The following ZNF79 variants were observed in gnomAD, a reference collection of about 807,000 sequenced individuals.
ZNF79 encodes the protein ZNFpT7.
ZNF79 carries 13 observed loss-of-function variants against 14.9 expected under a neutral mutation model. The ratio of observed to expected loss-of-function variants is 0.87; its 90% CI spans 0.57 to 1.38. The LOEUF is 1.38. ZNF79 is among the 40% of genes most tolerant of loss of function. The pLI, the probability that ZNF79 is intolerant of heterozygous loss-of-function variation, is 0.00. For missense variants in ZNF79, 631 were observed against 630.6 expected (o/e 1.00, Z -0.01); for synonymous variants, 223 against 235.1 (o/e 0.95, Z 0.47).
rs759622791 is a variant in ZNF79 at position 127,445,217 on chromosome 9, GGA to G, written c.*26_*27del. 1.1e-5 allele frequency: 17 copies of G among 1,610,220 alleles called. No homozygotes were observed. Among genetic ancestry groups the G allele is most frequent in the African/African-American group, 4.0e-5 (3 of 74,878 alleles). On this transcript the variant is annotated 3_prime_UTR_variant, in exon 5 of 5. Coordinates refer to ENST00000342483, the MANE Select transcript of ZNF79 (RefSeq NM_007135.3). Reference sequence around the variant, plus strand: ...GAGTAACTAGGAACATGGTAGAAGTGGAGAGAGTCCCGGACATGCCGACTCAG... The same window carrying G: ...GAGTAACTAGGAACATGGTAGAAGTGGAGAGTCCCGGACATGCCGACTCAG...
chr9:127,440,757 T>C (rs1834034912), intron 4 of ZNF79, among the ~76,000 whole-genome samples: 1 of 152,056 alleles, frequency 6.6e-6, no homozygotes, highest in Non-Finnish European at 1.5e-5. Flanking sequence ...TGGTGGCCTG[T>C]AAGAGAGGGG....
Position 127,445,078 on chromosome 9 carries a change from C to T in ZNF79, c.1378C>T (p.Leu460Phe). The change falls in exon 5 of 5, where the codon CTT (leucine) becomes TTT (phenylalanine). Residue 460 changes from leucine to phenylalanine, a missense_variant. Leu to Phe is a conservative substitution (Grantham distance 22, BLOSUM62 0). Transcript: ENST00000342483. Reference protein sequence around the residue: ...CGKAFNQSSSLSQHQRIHTGV... With the variant: ...CGKAFNQSSSFSQHQRIHTGV... ...TAAAGCGTTTAACCAGAGCTCATCC[C>T]TTAGTCAGCATCAGAGAATCCACAC... 2 of 1,613,922 alleles carry T rather than the reference C, an allele frequency of 1.2e-6. No homozygotes were observed. Among genetic ancestry groups the T allele is most frequent in the Non-Finnish European group, 1.7e-6 (2 of 1,179,982 alleles).
In ZNF79 at chr9:127,444,320, C is replaced by T. The variant is rs777126656; in HGVS notation, c.620C>T (p.Ser207Phe). 6.2e-7 allele frequency: 1 copy of T among 1,614,178 alleles called. No individual in the cohort carries two copies. The highest frequency in any genetic ancestry group is 1.1e-5 in the South Asian group (1 of 91,084). Residue 207 changes from serine (S) to phenylalanine (F), a missense_variant, in exon 5 of 5, where the codon TCC becomes TTC. Coordinates refer to ENST00000342483, the MANE Select transcript of ZNF79 (RefSeq NM_007135.3). ...ECGKAFSYCSSLSQHQKSHTG... is the reference protein window; with the variant it reads ...ECGKAFSYCSFLSQHQKSHTG... ...GGCAAAGCCTTCAGTTACTGTTCTTCCCTTTCTCAGCATCAGAAGAGCCAC... is the reference window on the plus strand; with the variant it reads ...GGCAAAGCCTTCAGTTACTGTTCTTTCCTTTCTCAGCATCAGAAGAGCCAC...
intron 2 of ZNF79, among the ~76,000 whole-genome samples, chr9:127,430,854 T>C (rs1279325082): frequency 1.3e-5 from 2 of 152,258 alleles, no homozygotes; most frequent in South Asian, 2.1e-4. Context: ...ATCTCCAAAC[T>C]GTTTTTCCGG....
chr9:127,424,802 A>G lies in ZNF79; in HGVS notation c.15A>G (p.Gly5=). The G allele has an allele frequency of 6.2e-7, 1 of 1,613,708 alleles. No homozygotes were observed. Among genetic ancestry groups the G allele is most frequent in the Non-Finnish European group, 8.5e-7 (1 of 1,179,916 alleles). Residue 5 remains glycine (G), a splice_region_variant and synonymous_variant, in exon 1 of 5, where the codon GGA becomes GGG. Coordinates refer to ENST00000342483, the MANE Select transcript of ZNF79 (RefSeq NM_007135.3). ...GCGGGACTCAAATGCTGGAGGAAGG[A>G]GGTGAGGAGTGGTAGAGGGAGCGAT... The part of the protein sequence containing the change: MLEE[G]VLPSPGPALP...
rs368448812 is a variant in ZNF79, at chr9:127,435,896, C to G, written c.233-12C>G. On this transcript the variant is annotated splice_polypyrimidine_tract_variant and intron_variant, in intron 3 of 4. Coordinates refer to ENST00000342483, the MANE Select transcript of ZNF79 (RefSeq NM_007135.3). ...TTACAATTTCTAAAGCCTGTTTTTTCCCGTTGAATAGGACTTCCAGTTTCC... is the reference window on the plus strand; with the variant it reads ...TTACAATTTCTAAAGCCTGTTTTTTGCCGTTGAATAGGACTTCCAGTTTCC... 62 of 1,612,186 alleles carry G rather than the reference C, an allele frequency of 3.8e-5. No individual in the cohort carries two copies. The highest frequency in any genetic ancestry group is 5.2e-5 in the Non-Finnish European group (61 of 1,178,764).
chr9:127,431,849 A>G (rs2131947730), intron 2 of ZNF79, among the ~76,000 whole-genome samples: 1 of 152,100 alleles, frequency 6.6e-6, no homozygotes, highest in South Asian at 2.1e-4. Flanking sequence ...TCTTTTTCCC[A>G]TTGCTTGTTT....
chr9:127,439,779 T>C (rs1158366217), intron 4 of ZNF79, among the ~76,000 whole-genome samples: 2 of 152,272 alleles, frequency 1.3e-5, no homozygotes, highest in Admixed American at 1.3e-4. Flanking sequence ...ATGGGTAATA[T>C]GTATTCCCTT....
intron 4 of ZNF79, among the ~76,000 whole-genome samples, chr9:127,437,719 T>C (rs1228450899): frequency 1.3e-5 from 2 of 151,950 alleles, no homozygotes; most frequent in East Asian, 3.9e-4. Context: ...CGGCATTTGT[T>C]GGCTTTTAGC....
chr9:127,437,338 GC>G lies in ZNF79; in HGVS notation c.328+1344del, dbSNP rs11423510. Among the ~76,000 whole-genome samples the G allele has an allele frequency of 1.9e-3, 284 of 149,142 alleles. 2 individuals are homozygous for G. Among genetic ancestry groups the G allele is most frequent in the African/African-American group, 4.3e-3 (174 of 40,542 alleles). Reference sequence around the variant, plus strand: ...GGCCCTGCTGCTTCCTTCTCTCAAGGCCCCCCCCCGCTGCCTGGGCATCTCT... The same window carrying G: ...GGCCCTGCTGCTTCCTTCTCTCAAGGCCCCCCCCGCTGCCTGGGCATCTCT... On this transcript the variant is annotated intron_variant, in intron 4 of 4. Transcript: ENST00000342483.
At chr9:127,438,996 C>T (rs1833998629) in intron 4 of ZNF79, among the ~76,000 whole-genome samples, 1 of 151,960 alleles carries the variant, frequency 6.6e-6, no homozygotes, top group Non-Finnish European at 1.5e-5. Context: ...TCTATAGTCC[C>T]AGCTACTAGG....
chr9:127,436,079 T>G, intron 4 of ZNF79, 76 bp downstream of exon 4: 1 of 1,237,888 alleles, frequency 8.1e-7, no homozygotes, highest in Admixed American at 1.7e-5. Context: ...GTGTATTTGA[T>G]TATCATAACA....
At chr9:127,432,459 T>C (rs924579528) in intron 2 of ZNF79, among the ~76,000 whole-genome samples, 2 of 152,226 alleles carry the variant, frequency 1.3e-5, no homozygotes. Flanking sequence ...CTAAAATTCA[T>C]TTTTTAACTT....
At chr9:127,443,804 G>A (rs577588715) in intron 4 of ZNF79, among the ~76,000 whole-genome samples, 1 of 151,944 alleles carries the variant, frequency 6.6e-6, no homozygotes, top group South Asian at 2.1e-4. Context: ...GGGAGGCTGA[G>A]GCAGGAGAAT....
intron 2 of ZNF79, among the ~76,000 whole-genome samples, chr9:127,429,939 C>T (rs1190434524): frequency 6.6e-6 from 1 of 152,040 alleles, no homozygotes; most frequent in Non-Finnish European, 1.5e-5. Context: ...GCCTCAGCCT[C>T]CCAAGTAGCT....
chr9:127,432,817 T>G (rs377757028), intron 2 of ZNF79, among the ~76,000 whole-genome samples: 2 of 152,354 alleles, frequency 1.3e-5, no homozygotes, highest in Non-Finnish European at 1.5e-5. Context: ...AATTTCTCTT[T>G]GCATTTCCTG....
intron 1 of ZNF79, chr9:127,428,566 A>G: frequency 1.3e-6 from 1 of 794,716 alleles, no homozygotes; most frequent in South Asian, 6.0e-5. Flanking sequence ...GAAAAATGAG[A>G]CTTAGAGAGG....
intron 4 of ZNF79, among the ~76,000 whole-genome samples, chr9:127,442,464 A>G (rs1834067092): frequency 6.6e-6 from 1 of 152,022 alleles, no homozygotes; most frequent in African/African-American, 2.4e-5. Context: ...AAAAAATGGT[A>G]CACCTGTATA....
rs1383483003 is a variant in ZNF79, at chr9:127,435,849, C to T, written c.233-59C>T. On this transcript the variant is annotated intron_variant, in intron 3 of 4. Coordinates refer to ENST00000342483, the MANE Select transcript of ZNF79 (RefSeq NM_007135.3). ...TGGCCTACTTGCTCTCTCCTGAGTT[C>T]TGGGTGGCTGTTCATACTTACTTAC... The T allele has an allele frequency of 5.0e-6, 7 of 1,402,186 alleles. No homozygotes were observed. In the Admixed American group the frequency reaches 1.2e-4, roughly 24 times the overall value. 86.9% of individuals were successfully genotyped at this position (1,402,186 alleles called of 1,614,324 possible).
Sources: allele counts gnomAD v4.1 joint callset (sites outside exome capture counted in the v4.1 genomes callset), GRCh38; gene constraint gnomAD v4.1.1; transcripts MANE v1.5; gene names NCBI Gene and HGNC (gene_info 2026-07-23, HGNC 2026-07-21).